FLT1: variants seen among roughly 807,000 people sequenced by gnomAD.
The protein encoded by FLT1 is vascular endothelial growth factor receptor 1.
A neutral mutation model predicts 156.3 loss-of-function variants in FLT1; 49 were observed. That is an observed-to-expected ratio of 0.31 (90% confidence interval 0.25 to 0.40). The LOEUF (loss-of-function observed/expected upper bound fraction) is 0.40. Among genes scored for constraint, FLT1 ranks in the 10% least tolerant of loss-of-function variants. The probability of loss-of-function intolerance (pLI) is 1.00; values close to 1 mark genes in which losing one functional copy is unlikely to be tolerated. For synonymous variants in FLT1, 594 were observed against 583.8 expected (o/e 1.02, Z -0.25); for missense variants, 1,322 against 1,637.2 (o/e 0.81, Z 3.32).
chr13:28,347,340 T>C lies in FLT1; in HGVS notation c.2249-1789A>G, dbSNP rs535180982. On this transcript the variant is annotated intron_variant, in intron 15 of 29. Coordinates refer to ENST00000282397, the MANE Select transcript of FLT1 (RefSeq NM_002019.4). ...GAGTTCAAAACCAGCCTGGCCAACA[T>C]GGTAAAACCCTGTCTCTACTAAAAA... Among the ~76,000 whole-genome samples, 4 of 150,816 alleles carry C rather than the reference T, an allele frequency of 2.7e-5. No homozygotes were observed. The South Asian group carries it at 6.3e-4, about 24-fold the overall frequency.
At chr13:28,441,550 T>C (rs1274347191) in intron 3 of FLT1, among the ~76,000 whole-genome samples, 4 of 152,178 alleles carry the variant, frequency 2.6e-5, no homozygotes, top group African/African-American at 9.7e-5. Flanking sequence ...AGTAGGTAGA[T>C]ATGAAAATCA....
chr13:28,431,060 G>A (rs1045790832), intron 7 of FLT1, 76 bp downstream of exon 7: 2 of 1,319,310 alleles, frequency 1.5e-6, no homozygotes, highest in Non-Finnish European at 2.2e-6. Context: ...ACAGAAAACT[G>A]ACTTATTTAG....
At chr13:28,461,424 C>G (rs1274678122) in intron 3 of FLT1, among the ~76,000 whole-genome samples, 1 of 152,118 alleles carries the variant, frequency 6.6e-6, no homozygotes, top group African/African-American at 2.4e-5. Context: ...TGAGCTCTGT[C>G]CAGCTCATGC....
chr13:28,327,496 AG>A lies in FLT1; in HGVS notation c.2761del (p.Leu921SerfsTer37). 1 of 1,613,534 alleles carries A rather than the reference AG, an allele frequency of 6.2e-7. No individual in the cohort carries two copies. The highest frequency in any genetic ancestry group is 8.5e-7 in the Non-Finnish European group (1 of 1,179,470). ...AAAAAATAAGTCACGTTTGCTCTTG[AG>A]GTAGTTGGAGAGATTTCCATATTTG... ...YCKYGNLSNY[L>X]KSKRDLFFLN... On this transcript the variant is annotated frameshift_variant, in exon 20 of 30. Coordinates refer to ENST00000282397, the MANE Select transcript of FLT1 (RefSeq NM_002019.4). LOFTEE classifies it high-confidence loss of function.
chr13:28,307,750 A>G (rs961569784), intron 28 of FLT1, among the ~76,000 whole-genome samples: 7 of 150,410 alleles, frequency 4.7e-5, no homozygotes, highest in Non-Finnish European at 8.8e-5. Flanking sequence ...CAGGCCCTTT[A>G]TGGGACAAGG....
At chr13:28,341,399 G>C (rs542121365) in intron 16 of FLT1, among the ~76,000 whole-genome samples, 10 of 152,330 alleles carry the variant, frequency 6.6e-5, no homozygotes, top group African/African-American at 2.4e-4. Context: ...ACCTGGGTTT[G>C]AATCACAGGT....
intron 14 of FLT1, among the ~76,000 whole-genome samples, chr13:28,370,848 C>T (rs553512760): frequency 2.6e-5 from 4 of 152,164 alleles, no homozygotes; most frequent in African/African-American, 7.2e-5. Context: ...CCATTAGTCC[C>T]GAAGAAGATG....
At chr13:28,452,346 A>AAAGG (rs1390935200) in intron 3 of FLT1, among the ~76,000 whole-genome samples, 1 of 152,154 alleles carries the variant, frequency 6.6e-6, no homozygotes, top group Non-Finnish European at 1.5e-5. Context: ...ACTTTTCTGT[A>AAAGG]AAGGAATTTC....
intron 12 of FLT1, among the ~76,000 whole-genome samples, chr13:28,390,607 G>A (rs1373109174): frequency 6.6e-6 from 1 of 152,146 alleles, no homozygotes; most frequent in Non-Finnish European, 1.5e-5. Flanking sequence ...ATGTTGGCCA[G>A]GCTGATCTCG....
intron 28 of FLT1, 31 bp from the exon 29 acceptor site, chr13:28,306,803 T>G (rs756725289): frequency 3.4e-6 from 5 of 1,490,536 alleles, no homozygotes; most frequent in Non-Finnish European, 4.7e-6. Context: ...GTTATACTCT[T>G]GCCTGGCCCA....
chr13:28,395,208 T>C lies in FLT1; in HGVS notation c.1660+1752A>G, dbSNP rs182850775. 7.0e-3 allele frequency among the ~76,000 whole-genome samples: 1,066 copies of C among 152,342 alleles called. 5 individuals carry two copies. The highest frequency in any genetic ancestry group is 0.011 in the Non-Finnish European group (733 of 68,032). ...GGTATTTAATGGCTTGTTTGCTTGA[T>C]GTAGAACTTGTCAGTAGTTAGACGT... On this transcript the variant is annotated intron_variant, in intron 12 of 29. Coordinates refer to ENST00000282397, the MANE Select transcript of FLT1 (RefSeq NM_002019.4).
At position 28,306,663 on chromosome 13, in the gene FLT1, A is replaced by T; in HGVS notation, c.3815+15T>A. ...CCTCCATCAACTGATCACAGAAAAG[A>T]TACCCAATTCTTACTCAATCTTGAG... On this transcript the variant is annotated intron_variant, in intron 29 of 29. Coordinates refer to ENST00000282397, the MANE Select transcript of FLT1 (RefSeq NM_002019.4). 6.3e-7 allele frequency: 1 copy of T among 1,582,604 alleles called. No individual in the cohort carries two copies. Among genetic ancestry groups the T allele is most frequent in the Non-Finnish European group, 8.7e-7 (1 of 1,151,310 alleles).
At chr13:28,434,700 T>C (rs1417148206) in intron 4 of FLT1, among the ~76,000 whole-genome samples, 5 of 152,160 alleles carry the variant, frequency 3.3e-5, no homozygotes, top group Admixed American at 6.5e-5. Context: ...CTGGCCAACA[T>C]GGTGAAACCC....
intron 14 of FLT1, among the ~76,000 whole-genome samples, chr13:28,381,769 G>T (rs1226743627): frequency 2.0e-5 from 3 of 152,084 alleles, no homozygotes; most frequent in Non-Finnish European, 4.4e-5. Context: ...CATTCTACAT[G>T]TTAGACTAAA....
rs1871735868 is a variant in FLT1, at chr13:28,327,547, G to A, written c.2711C>T (p.Pro904Leu). Residue 904 changes from proline to leucine, a missense_variant, in exon 20 of 30, where the codon CCT (proline) becomes CTT (leucine). Pro to Leu is a moderately conservative substitution (Grantham distance 98). Around this residue, in one of 3 missense-constraint regions of FLT1, gnomAD observed 991 missense variants for 1,254.8 expected, o/e 0.79. Transcript: ENST00000282397. The stretch of plus-strand genomic sequence containing the variant: ...GCAGTATTCAACAATCACCATCAGA[G>A]GCCCTGCAGCCAAAACAGCACATGC... ...LLGACTKQGG[P>L]LMVIVEYCKY... 1 of 1,610,290 alleles carries A rather than the reference G, an allele frequency of 6.2e-7. No homozygotes were observed. Among genetic ancestry groups the A allele is most frequent in the Non-Finnish European group, 8.5e-7 (1 of 1,176,590 alleles).
chr13:28,438,158 G>A, intron 4 of FLT1, 63 bp downstream of exon 4: 2 of 1,548,326 alleles, frequency 1.3e-6, no homozygotes, highest in Middle Eastern at 1.7e-4. Context: ...GATAGAACGA[G>A]TAAAACTTCA....
chr13:28,327,546 AG>A lies in FLT1; in HGVS notation c.2711del (p.Pro904LeufsTer2). 6.2e-7 allele frequency: 1 copy of A among 1,610,584 alleles called. No homozygotes were observed. On this transcript the variant is annotated frameshift_variant, in exon 20 of 30. Transcript: ENST00000282397. LOFTEE classifies it high-confidence loss of function. ...TGCAGTATTCAACAATCACCATCAG[AG>A]GCCCTGCAGCCAAAACAGCACATGC... ...LLGACTKQGGPLMVIVEYCKY... is the reference protein window; with the variant it reads ...LLGACTKQGGXLMVIVEYCKY...
intron 14 of FLT1, among the ~76,000 whole-genome samples, chr13:28,374,074 G>T (rs933838710): frequency 2.6e-5 from 4 of 152,144 alleles, no homozygotes; most frequent in South Asian, 4.2e-4. Flanking sequence ...TTCCGATTGG[G>T]GTTATGAAAA....
At chr13:28,392,971 G>C (rs902424176) in intron 12 of FLT1, among the ~76,000 whole-genome samples, 5 of 152,044 alleles carry the variant, frequency 3.3e-5, no homozygotes, top group Admixed American at 1.3e-4. Flanking sequence ...AAAAATCCCA[G>C]AGGGATTTTT....
Sources: allele counts gnomAD v4.1 joint callset (sites outside exome capture counted in the v4.1 genomes callset), GRCh38; gene constraint gnomAD v4.1.1; regional missense constraint gnomAD v4.1.1; transcripts MANE v1.5; gene names NCBI Gene and HGNC (gene_info 2026-07-23, HGNC 2026-07-21).